The following PCDHGA10 variants were observed in gnomAD, a reference collection of about 807,000 sequenced individuals.
The protein encoded by PCDHGA10 is protocadherin gamma subfamily A, 10, also known as protocadherin gamma-A10.
Under a neutral mutation model 59.5 loss-of-function variants are expected in PCDHGA10, and 42 were observed. The observed-to-expected ratio is 0.71, with a 90% CI of 0.55 to 0.91. The LOEUF (loss-of-function observed/expected upper bound fraction) is 0.91. Ranked by LOEUF, PCDHGA10 falls within the 40% of genes least tolerant of loss-of-function variation. The pLI is 0.00. For synonymous variants in PCDHGA10, 511 were observed against 517.2 expected (o/e 0.99, Z 0.16); for missense variants, 1,111 against 1,198.2 (o/e 0.93, Z 1.07).
At position 141,415,522 on chromosome 5, in the gene PCDHGA10, C is replaced by T; in HGVS notation, c.2347C>T (p.Leu783Phe). 1 of 1,614,178 alleles carries T rather than the reference C, an allele frequency of 6.2e-7. No homozygotes were observed. The highest frequency in any genetic ancestry group is 1.3e-5 in the African/African-American group (1 of 75,036). ...CCCCCAGCCCAATTATGCGGACACG[C>T]TCATCAGCCAGGAGAGCTGTGAGAA... ...IFPQPNYADTLISQESCEKND... is the reference protein window; with the variant it reads ...IFPQPNYADTFISQESCEKND... The change falls in exon 1 of 4, where the codon CTC (leucine) becomes TTC (phenylalanine). Residue 783 changes from leucine (L) to phenylalanine (F), a missense_variant. Leu to Phe is a conservative substitution (Grantham distance 22). Coordinates refer to ENST00000398610, the MANE Select transcript of PCDHGA10 (RefSeq NM_018913.3).
chr5:141,426,451 C>T (rs561567196), intron 1 of PCDHGA10: 1 of 308,946 alleles, frequency 3.2e-6, no homozygotes, highest in Non-Finnish European at 6.4e-6. Flanking sequence ...GGACATGCGG[C>T]TGCATGTTCA....
At chr5:141,450,608 T>A (rs916441293) in intron 1 of PCDHGA10, among the ~76,000 whole-genome samples, 1 of 151,894 alleles carries the variant, frequency 6.6e-6, no homozygotes, top group East Asian at 1.9e-4. Flanking sequence ...TGCCTCAGCC[T>A]CCTGAGTAGC....
rs146734417 is a variant in PCDHGA10, at chr5:141,431,409, G to T, written c.2436+15798G>T. The T allele has an allele frequency of 1.9e-6, 3 of 1,613,722 alleles. No homozygotes were observed. Among genetic ancestry groups the T allele is most frequent in the Non-Finnish European group, 2.5e-6 (3 of 1,180,048 alleles). On this transcript the variant is annotated intron_variant, in intron 1 of 3. Transcript: ENST00000398610. This position sits in a 1 kb window ranked among gnomAD's most constrained non-coding sequence, Gnocchi z 4.8. Reference sequence around the variant, plus strand: ...CACCTGGTCCTTACGGCCTCCGACGGGGGCGACCCGGTGCGCACAGGCACC... The same window carrying T: ...CACCTGGTCCTTACGGCCTCCGACGTGGGCGACCCGGTGCGCACAGGCACC...
Position 141,413,667 on chromosome 5 carries a change from G to A in PCDHGA10, c.492G>A (p.Pro164=). The A allele has an allele frequency of 6.2e-7, 1 of 1,613,836 alleles. No homozygotes were observed. The highest frequency in any genetic ancestry group is 8.5e-7 in the Non-Finnish European group (1 of 1,179,892). Residue 164 remains proline (P), a synonymous_variant, in exon 1 of 4, where the codon CCG becomes CCA. Transcript: ENST00000398610. ...MRFPLPEAID[P]DVGVNSLQSY... ...TTCCTCTCCCGGAAGCTATTGATCC[G>A]GATGTGGGCGTGAACTCCCTGCAGA...
intron 2 of PCDHGA10, among the ~76,000 whole-genome samples, chr5:141,495,663 G>T (rs756466649): frequency 6.6e-6 from 1 of 152,050 alleles, no homozygotes; most frequent in African/African-American, 2.4e-5. Context: ...GATCTGTGCC[G>T]CCCACTGTGC....
intron 3 of PCDHGA10, among the ~76,000 whole-genome samples, chr5:141,508,930 T>A (rs2099873149): frequency 6.6e-6 from 1 of 151,836 alleles, no homozygotes; most frequent in African/African-American, 2.4e-5. Context: ...CTTTTGGAGT[T>A]AATTAGGGAA....
intron 2 of PCDHGA10, among the ~76,000 whole-genome samples, chr5:141,503,998 A>G (rs746158378): frequency 4.6e-5 from 7 of 152,104 alleles, no homozygotes; most frequent in Admixed American, 1.3e-4. Context: ...CCTTACAGTC[A>G]CTTAACTGTC....
intron 1 of PCDHGA10, chr5:141,422,190 A>G (rs761351024): frequency 6.4e-7 from 1 of 1,561,412 alleles, no homozygotes. Flanking sequence ...TGGAAATTCA[A>G]GGCCAAGATG....
chr5:141,472,529 G>C lies in PCDHGA10; in HGVS notation c.2437-22278G>C, dbSNP rs553065027. 9.3e-5 allele frequency among the ~76,000 whole-genome samples: 14 copies of C among 151,058 alleles called. No individual in the cohort carries two copies. In the East Asian group the frequency reaches 2.6e-3, roughly 28 times the overall value. ...CACTCCAGCCTGGGTGACAGAGTGA[G>C]ACACCATCTCAAGAAAAAAAAAATT... On this transcript the variant is annotated intron_variant, in intron 1 of 3. Transcript: ENST00000398610.
intron 1 of PCDHGA10, among the ~76,000 whole-genome samples, chr5:141,429,416 T>A (rs527999196): frequency 6.6e-6 from 1 of 152,230 alleles, no homozygotes; most frequent in Admixed American, 6.5e-5. Flanking sequence ...GGTCTCATTA[T>A]GTTGCCCAGG....
At chr5:141,500,582 T>G (rs534297929) in intron 2 of PCDHGA10, among the ~76,000 whole-genome samples, 29 of 152,314 alleles carry the variant, frequency 1.9e-4, no homozygotes, top group African/African-American at 6.7e-4. Flanking sequence ...ATGTGACACT[T>G]TATTCACATA....
At position 141,496,642 on chromosome 5, in the gene PCDHGA10, G is replaced by C. The variant is rs1053400475; in HGVS notation, c.2495+1777G>C. Among the ~76,000 whole-genome samples the C allele has an allele frequency of 6.6e-5, 10 of 152,318 alleles. No individual in the cohort carries two copies. In the East Asian group the frequency reaches 1.5e-3, roughly 24 times the overall value. ...AGATCAAAAGGCTTGGGCTGCCCTT[G>C]CCCTTCCTTTGACCCCAGCTGTTGT... On this transcript the variant is annotated intron_variant, in intron 2 of 3. Transcript: ENST00000398610.
chr5:141,454,010 G>A (rs998092071), intron 1 of PCDHGA10, among the ~76,000 whole-genome samples: 2 of 152,146 alleles, frequency 1.3e-5, no homozygotes, highest in African/African-American at 4.8e-5. Context: ...TAACATTTTA[G>A]AAAAATGTAT....
chr5:141,481,455 C>T (rs2099537897), intron 1 of PCDHGA10, among the ~76,000 whole-genome samples: 1 of 152,176 alleles, frequency 6.6e-6, no homozygotes, highest in African/African-American at 2.4e-5. Flanking sequence ...TGTAAATACA[C>T]TGAAAACCAT....
At chr5:141,427,972 C>T (rs1368719718) in intron 1 of PCDHGA10, 1 of 1,593,948 alleles carries the variant, frequency 6.3e-7, no homozygotes, top group South Asian at 1.1e-5. Flanking sequence ...GTGCTGTACC[C>T]CGCGCTGGGG....
intron 1 of PCDHGA10, among the ~76,000 whole-genome samples, chr5:141,450,783 G>A (rs2879228): frequency 0.25 from 37,099 of 150,510 alleles, 4,810 homozygotes; most frequent in Admixed American, 0.32. Flanking sequence ...CACCGTGCCC[G>A]GACCTCATGA....
intron 1 of PCDHGA10, among the ~76,000 whole-genome samples, chr5:141,459,682 A>G (rs557568098): frequency 2.4e-4 from 37 of 152,358 alleles, no homozygotes; most frequent in African/African-American, 8.2e-4. Flanking sequence ...AGCAATGCAT[A>G]AAGCGTTCCG....
At position 141,489,378 on chromosome 5, in the gene PCDHGA10, G is replaced by A. The variant is rs1562129701; in HGVS notation, c.2437-5429G>A. ...AGTCTGAGCCGGGGACGCTGGTGGGGAATGTTGCTCAGGATCTGGGCTTAA... is the reference window on the plus strand; with the variant it reads ...AGTCTGAGCCGGGGACGCTGGTGGGAAATGTTGCTCAGGATCTGGGCTTAA... On this transcript the variant is annotated intron_variant, in intron 1 of 3. Coordinates refer to ENST00000398610, the MANE Select transcript of PCDHGA10 (RefSeq NM_018913.3). The surrounding 1 kb of genome is among the most constrained non-coding windows in gnomAD (Gnocchi z 4.5). 1.2e-6 allele frequency: 2 copies of A among 1,613,908 alleles called. No homozygotes were observed. The highest frequency in any genetic ancestry group is 3.3e-5 in the Admixed American group (2 of 60,026).
At chr5:141,502,815 TTTCC>T in intron 2 of PCDHGA10, among the ~76,000 whole-genome samples, 1 of 151,372 alleles carries the variant, frequency 6.6e-6, no homozygotes, top group East Asian at 1.9e-4. Context: ...TTCACTGTCT[TTTCC>T]TTGGGGAAGC....
Sources: gnomAD v4.1 joint callset for allele counts (sites outside exome capture counted in the v4.1 genomes callset) on GRCh38, gnomAD v4.1.1 for gene constraint, Gnocchi (gnomAD v3.1) non-coding constraint, MANE v1.5 for transcripts, NCBI Gene and HGNC (gene_info 2026-07-23, HGNC 2026-07-21) for gene names.